The following SLC1A1 variants were observed in gnomAD, a reference collection of about 807,000 sequenced individuals.
SLC1A1 encodes excitatory amino acid transporter 3.
A neutral mutation model predicts 53.3 loss-of-function variants in SLC1A1; 43 were observed. The observed-to-expected ratio is 0.81, with a 90% CI of 0.63 to 1.04. The LOEUF is 1.04. Among genes scored for constraint, SLC1A1 ranks in the 50% least tolerant of loss-of-function variants. SLC1A1 has a pLI of 0.00. For missense variants in SLC1A1, 748 were observed against 664.9 expected (o/e 1.12, Z -1.37); for synonymous variants, 307 against 243.2 (o/e 1.26, Z -2.44).
In SLC1A1 at chr9:4,562,278, T is replaced by C. The variant is rs144351384; in HGVS notation, c.325+737T>C. Among the ~76,000 whole-genome samples, 1,290 of 151,984 alleles carry C rather than the reference T, an allele frequency of 8.5e-3. 25 individuals are homozygous for C. The highest frequency in any genetic ancestry group is 0.029 in the African/African-American group (1,214 of 41,432). On this transcript the variant is annotated intron_variant, in intron 3 of 11. Coordinates refer to ENST00000262352, the MANE Select transcript of SLC1A1 (RefSeq NM_004170.6). ...AAATAGAGACAGGGTTTCACCATGT[T>C]GGCCAGGCTGGTCTTGAACTCCTGA...
intron 1 of SLC1A1, among the ~76,000 whole-genome samples, chr9:4,518,000 G>C (rs574080505): frequency 6.6e-6 from 1 of 152,184 alleles, no homozygotes; most frequent in East Asian, 1.9e-4. Flanking sequence ...GGCTGAGACA[G>C]GTGGATCACT....
Position 4,532,704 on chromosome 9 carries a change from TAC to T in SLC1A1, c.92-11861_92-11860del, listed in dbSNP as rs1290839052. 2.6e-5 allele frequency among the ~76,000 whole-genome samples: 4 copies of T among 152,062 alleles called. No homozygotes were observed. In the East Asian group the frequency reaches 7.8e-4, roughly 30 times the overall value. On this transcript the variant is annotated intron_variant, in intron 1 of 11. Transcript: ENST00000262352. ...CAGGCCAACATTCAAATTCAGGAAA[TAC>T]AGAGAACGCCACAAAGATACTCCTC...
intron 1 of SLC1A1, among the ~76,000 whole-genome samples, chr9:4,522,713 G>C (rs181590893): frequency 6.6e-6 from 1 of 152,182 alleles, no homozygotes. Context: ...GCAGGAGAGA[G>C]AGTGTGAGCG....
At chr9:4,514,658 G>C (rs140627277) in intron 1 of SLC1A1, among the ~76,000 whole-genome samples, 10 of 152,266 alleles carry the variant, frequency 6.6e-5, no homozygotes, top group Non-Finnish European at 1.5e-4. Context: ...TTGGGGCTGG[G>C]GCTAGGGTGG....
chr9:4,536,765 T>C (rs1225998833), intron 1 of SLC1A1, among the ~76,000 whole-genome samples: 3 of 152,170 alleles, frequency 2.0e-5, no homozygotes, highest in Non-Finnish European at 4.4e-5. Context: ...GCAGCATTAT[T>C]CACAATAGCA....
chr9:4,546,959 CTATGAGGGGAAGTATAGAA>C (rs1434172130), intron 2 of SLC1A1, among the ~76,000 whole-genome samples: 3 of 152,162 alleles, frequency 2.0e-5, no homozygotes, highest in African/African-American at 7.2e-5. Context: ...ACTCATGTGT[CTATGAGGGGAAGTATAGAA>C]GATTGATCCA....
At chr9:4,579,543 T>G (rs1233190055) in intron 10 of SLC1A1, among the ~76,000 whole-genome samples, 1 of 152,212 alleles carries the variant, frequency 6.6e-6, no homozygotes, top group East Asian at 1.9e-4. Flanking sequence ...AGCTAAATAG[T>G]CAATTCTCAT....
At chr9:4,581,334 A>G (rs1821079081) in intron 10 of SLC1A1, among the ~76,000 whole-genome samples, 1 of 152,204 alleles carries the variant, frequency 6.6e-6, no homozygotes, top group South Asian at 2.1e-4. Context: ...GAAATCCTCT[A>G]ACTCAAAGTA....
chr9:4,501,902 C>T (rs1403657133), intron 1 of SLC1A1, among the ~76,000 whole-genome samples: 1 of 151,720 alleles, frequency 6.6e-6, no homozygotes, highest in African/African-American at 2.4e-5. Context: ...AGAGTTACCT[C>T]GTTACTAATA....
intron 1 of SLC1A1, among the ~76,000 whole-genome samples, chr9:4,506,138 G>A (rs1343483581): frequency 1.3e-5 from 2 of 151,902 alleles, no homozygotes; most frequent in African/African-American, 2.4e-5. Context: ...TGTACTTTTA[G>A]TAGAGACGGG....
rs1821310919 is a variant in SLC1A1 at position 4,583,704 on chromosome 9, A to G, written c.1328+532A>G. On this transcript the variant is annotated intron_variant, in intron 11 of 11. Transcript: ENST00000262352. This position sits in a 1 kb window ranked among gnomAD's most constrained non-coding sequence, Gnocchi z 4.6. ...CTGTGAGATGGGAAAAAATCTGCCT[A>G]TGTCATTGGGTTGTTTTAAGGACTG... Among the ~76,000 whole-genome samples, 1 of 152,128 alleles carries G rather than the reference A, an allele frequency of 6.6e-6. No individual in the cohort carries two copies. Among genetic ancestry groups the G allele is most frequent in the Non-Finnish European group, 1.5e-5 (1 of 68,032 alleles).
At chr9:4,499,238 T>G (rs1423782930) in intron 1 of SLC1A1, among the ~76,000 whole-genome samples, 11 of 151,700 alleles carry the variant, frequency 7.3e-5, no homozygotes, top group African/African-American at 2.4e-4. Flanking sequence ...AGAGACAAAG[T>G]TTCACCATGT....
intron 6 of SLC1A1, among the ~76,000 whole-genome samples, chr9:4,570,785 C>T (rs569776027): frequency 4.0e-4 from 61 of 152,010 alleles, no homozygotes; most frequent in African/African-American, 1.4e-3. Flanking sequence ...GGCATGCCCC[C>T]GTAGACCCAG....
chr9:4,516,417 G>C (rs953490271), intron 1 of SLC1A1, among the ~76,000 whole-genome samples: 1 of 152,210 alleles, frequency 6.6e-6, no homozygotes, highest in Non-Finnish European at 1.5e-5. Flanking sequence ...TGGGAAACAA[G>C]ATGAATTAAT....
At chr9:4,511,048 T>G (rs904577958) in intron 1 of SLC1A1, among the ~76,000 whole-genome samples, 1 of 152,248 alleles carries the variant, frequency 6.6e-6, no homozygotes, top group Non-Finnish European at 1.5e-5. Flanking sequence ...AGTTAAATTT[T>G]ATTGAATTCA....
At position 4,490,594 on chromosome 9, in the gene SLC1A1, G is replaced by C. The variant is rs868790014; in HGVS notation, c.-86G>C. On this transcript the variant is annotated 5_prime_UTR_variant, in exon 1 of 12. Transcript: ENST00000262352. ...CCTCTCCCCTGTGCACCCGCATCTC[G>C]CCGCGCCGCCGAGCAGCCAGCAGTC... 279 of 1,114,284 alleles carry C rather than the reference G, an allele frequency of 2.5e-4. 1 individual carries two copies. The Middle Eastern group carries it at 6.6e-3, about 26-fold the overall frequency. The allele number at this position is 1,114,284 out of a possible 1,614,324, so 69.0% of individuals were successfully genotyped here.
chr9:4,525,578 A>G (rs1226125914), intron 1 of SLC1A1, among the ~76,000 whole-genome samples: 1 of 152,194 alleles, frequency 6.6e-6, no homozygotes, highest in Admixed American at 6.5e-5. Context: ...AATAATATAT[A>G]CTAAATATGT....
chr9:4,522,535 A>T (rs760539895), intron 1 of SLC1A1, among the ~76,000 whole-genome samples: 1 of 152,048 alleles, frequency 6.6e-6, no homozygotes, highest in Non-Finnish European at 1.5e-5. Context: ...TGTACTCTTG[A>T]TACCATCTGT....
intron 10 of SLC1A1, among the ~76,000 whole-genome samples, chr9:4,579,965 A>G (rs1233978109): frequency 6.6e-6 from 1 of 152,212 alleles, no homozygotes; most frequent in Non-Finnish European, 1.5e-5. Context: ...TCAGACCTGT[A>G]ATCCCAGCAC....
Sources: allele counts gnomAD v4.1 joint callset (sites outside exome capture counted in the v4.1 genomes callset), GRCh38; gene constraint gnomAD v4.1.1; non-coding constraint Gnocchi (gnomAD v3.1); transcripts MANE v1.5; gene names NCBI Gene and HGNC (gene_info 2026-07-23, HGNC 2026-07-21).